The following GLYATL2 variants were observed in gnomAD, a reference collection of about 807,000 sequenced individuals.
GLYATL2 encodes the protein glycine N-acyltransferase-like protein 2.
GLYATL2 carries 25 observed loss-of-function variants against 21.4 expected under a neutral mutation model. The observed-to-expected ratio is 1.17, with a 90% CI of 0.85 to 1.63. The LOEUF is 1.63. GLYATL2 is among the 40% of genes most tolerant of loss of function. The pLI is 0.00. For missense variants in GLYATL2, 361 were observed against 343.3 expected (o/e 1.05, Z -0.41); for synonymous variants, 114 against 118.2 (o/e 0.96, Z 0.23).
chr11:58,901,708 G>A (rs549380696), intron 1 of GLYATL2, among the ~76,000 whole-genome samples: 5 of 152,074 alleles, frequency 3.3e-5, no homozygotes, highest in East Asian at 1.9e-4. Flanking sequence ...GTGACCTCTA[G>A]CAAATTATCC....
At chr11:58,843,288 G>A (rs1309945768) in intron 1 of GLYATL2, among the ~76,000 whole-genome samples, 1 of 152,156 alleles carries the variant, frequency 6.6e-6, no homozygotes, top group Non-Finnish European at 1.5e-5. Context: ...AGTATGCCAA[G>A]AAAGTGTCGA....
intron 1 of GLYATL2, among the ~76,000 whole-genome samples, chr11:58,841,861 T>TGGAGTTA (rs1853559447): frequency 1.3e-5 from 2 of 152,194 alleles, no homozygotes; most frequent in African/African-American, 4.8e-5. Context: ...CAGTGCATTT[T>TGGAGTTA]GGAGTTAGGA....
At chr11:58,862,911 A>T (rs1395598003) in intron 1 of GLYATL2, among the ~76,000 whole-genome samples, 1 of 152,108 alleles carries the variant, frequency 6.6e-6, no homozygotes, top group African/African-American at 2.4e-5. Context: ...CATTTGAAAA[A>T]CAGGAAAGTT....
At chr11:58,841,448 C>T (rs1204336453) in intron 1 of GLYATL2, among the ~76,000 whole-genome samples, 1 of 152,028 alleles carries the variant, frequency 6.6e-6, no homozygotes, top group East Asian at 1.9e-4. Context: ...ATTTCATTGC[C>T]AGAAAAGGTA....
At chr11:58,862,993 G>A (rs1355744385) in intron 1 of GLYATL2, among the ~76,000 whole-genome samples, 2 of 152,206 alleles carry the variant, frequency 1.3e-5, no homozygotes, top group Non-Finnish European at 1.5e-5. Flanking sequence ...TTGGTAGGGT[G>A]TCTGTTGTGG....
In GLYATL2 at chr11:58,844,701, TAAG is replaced by T. The variant is rs949912287; in HGVS notation, c.-311_-309del. 1 of 152,250 alleles carries T rather than the reference TAAG, an allele frequency of 6.6e-6. No homozygotes were observed. Among genetic ancestry groups the T allele is most frequent in the Non-Finnish European group, 1.5e-5 (1 of 68,042 alleles). 9.4% of individuals were successfully genotyped at this position (152,250 alleles called of 1,614,324 possible). On this transcript the variant is annotated 5_prime_UTR_variant, in exon 1 of 6. Transcript: ENST00000287275. ...CCATATTGAGCAGCTTCTACAATTCTAAGAAGTTTTACTCAAGAAGCTTTTGAT... is the reference window on the plus strand; with the variant it reads ...CCATATTGAGCAGCTTCTACAATTCTAAGTTTTACTCAAGAAGCTTTTGAT...
chr11:58,834,944 G>C, intron 5 of GLYATL2, 107 bp from the exon 6 acceptor site: 1 of 780,492 alleles, frequency 1.3e-6, no homozygotes, highest in Non-Finnish European at 2.0e-6. Context: ...CTACAGCCTG[G>C]AGGAGGCAAT....
Position 58,837,302 on chromosome 11 carries a change from T to C in GLYATL2, c.282A>G (p.Val94=). 1.9e-6 allele frequency: 3 copies of C among 1,614,016 alleles called. No individual in the cohort carries two copies. The highest frequency in any genetic ancestry group is 2.5e-6 in the Non-Finnish European group (3 of 1,179,874). The change falls in exon 4 of 6, where the codon GTA becomes GTG. Residue 94 remains valine (V), a synonymous_variant. Coordinates refer to ENST00000287275, the MANE Select transcript of GLYATL2 (RefSeq NM_145016.4). The part of the protein sequence containing the change: ...KLEEVLSYSN[V]ISWEQTLQIQ... ...TCTGCAAAGTTTGCTCCCAGCTGATTACATTGGAGTATGACAGGACTTCCT... is the reference window on the plus strand; with the variant it reads ...TCTGCAAAGTTTGCTCCCAGCTGATCACATTGGAGTATGACAGGACTTCCT...
intron 1 of GLYATL2, among the ~76,000 whole-genome samples, chr11:58,871,301 T>C (rs909223574): frequency 6.6e-6 from 1 of 152,038 alleles, no homozygotes; most frequent in African/African-American, 2.4e-5. Flanking sequence ...ATTATTATTA[T>C]ACTTTAAGTT....
chr11:58,886,475 C>G (rs113593192), intron 1 of GLYATL2, among the ~76,000 whole-genome samples: 1,781 of 152,268 alleles, frequency 0.012, 14 homozygotes, highest in Non-Finnish European at 0.016. Context: ...GTTTTATTAG[C>G]TATATAACCA....
At chr11:58,862,936 A>G (rs1192795391) in intron 1 of GLYATL2, among the ~76,000 whole-genome samples, 1 of 152,102 alleles carries the variant, frequency 6.6e-6, no homozygotes, top group Admixed American at 6.5e-5. Flanking sequence ...TAGTCTTTGT[A>G]TACTGGCTTT....
chr11:58,843,495 A>G (rs1853589380), intron 1 of GLYATL2, among the ~76,000 whole-genome samples: 1 of 152,202 alleles, frequency 6.6e-6, no homozygotes, highest in Non-Finnish European at 1.5e-5. Context: ...GAGAAGACAA[A>G]TTAAAACAAA....
intron 1 of GLYATL2, among the ~76,000 whole-genome samples, chr11:58,888,080 T>G (rs1028987036): frequency 6.6e-6 from 1 of 152,170 alleles, no homozygotes; most frequent in Non-Finnish European, 1.5e-5. Context: ...CTATTAATAT[T>G]CAACATATTA....
intron 1 of GLYATL2, among the ~76,000 whole-genome samples, chr11:58,898,818 G>T (rs1371341377): frequency 1.3e-5 from 2 of 151,972 alleles, no homozygotes; most frequent in Non-Finnish European, 2.9e-5. Context: ...GGGCGACAGT[G>T]CAAGACTCCA....
chr11:58,840,841 A>AAAATAAAAT (rs1853536003), intron 1 of GLYATL2: 1 of 20,772 alleles, frequency 4.8e-5, no homozygotes, highest in Non-Finnish European at 1.4e-4. Flanking sequence ...TCTATCTCAA[A>AAAATAAAAT]AAATAAAATA....
chr11:58,899,511 A>T (rs1409846249), intron 1 of GLYATL2, among the ~76,000 whole-genome samples: 2 of 152,250 alleles, frequency 1.3e-5, no homozygotes. Flanking sequence ...GGGAGAAAGA[A>T]CAACAAATAA....
intron 2 of GLYATL2, among the ~76,000 whole-genome samples, 171 bp from the exon 3 acceptor site, chr11:58,838,539 C>T (rs1236832497): frequency 6.6e-6 from 1 of 152,112 alleles, no homozygotes; most frequent in East Asian, 1.9e-4. Context: ...GAGAGTTATG[C>T]TGCTAGACGG....
intron 1 of GLYATL2, among the ~76,000 whole-genome samples, chr11:58,860,820 G>A (rs2856257): frequency 0.89 from 134,708 of 151,864 alleles, 60,902 homozygotes; most frequent in Non-Finnish European, 0.98. Flanking sequence ...ATCATGGTGA[G>A]CTTTATCAAA....
At chr11:58,839,839 G>A (rs1350905367) in intron 1 of GLYATL2, among the ~76,000 whole-genome samples, 187 bp from the exon 2 acceptor site, 1 of 151,378 alleles carries the variant, frequency 6.6e-6, no homozygotes, top group Non-Finnish European at 1.5e-5. Flanking sequence ...TAGACCTCAG[G>A]GCTCCTTAGT....
Sources: gnomAD v4.1 joint callset for allele counts (sites outside exome capture counted in the v4.1 genomes callset) on GRCh38, gnomAD v4.1.1 for gene constraint, MANE v1.5 for transcripts, NCBI Gene and HGNC (gene_info 2026-07-23, HGNC 2026-07-21) for gene names.